ZFHX3: variants seen among roughly 807,000 people sequenced by gnomAD.
ZFHX3 encodes the protein zinc finger homeobox 3.
Under a neutral mutation model 279.1 loss-of-function variants are expected in ZFHX3, and 42 were observed. That is an observed-to-expected ratio of 0.15 (90% confidence interval 0.12 to 0.19). The LOEUF is 0.19. Ranked by LOEUF, ZFHX3 falls within the 10% of genes least tolerant of loss-of-function variation. The pLI is 1.00. For missense variants in ZFHX3, 4,981 were observed against 4,754.0 expected (o/e 1.05, Z -1.40); for synonymous variants, 2,293 against 1,957.8 (o/e 1.17, Z -4.52).
chr16:73,611,942 T>C (rs1410236233), intron 2 of ZFHX3, among the ~76,000 whole-genome samples: 1 of 152,216 alleles, frequency 6.6e-6, no homozygotes, highest in Non-Finnish European at 1.5e-5. Context: ...AGGGTATCTA[T>C]CTTTTGAAAC....
intron 3 of ZFHX3, among the ~76,000 whole-genome samples, chr16:73,374,921 G>A (rs2016696829): frequency 6.6e-6 from 1 of 152,182 alleles, no homozygotes; most frequent in Non-Finnish European, 1.5e-5. Flanking sequence ...GTCATAGGTG[G>A]TGGTATGGAT....
chr16:72,923,849 T>C (rs1415865770), intron 3 of ZFHX3, among the ~76,000 whole-genome samples: 1 of 152,216 alleles, frequency 6.6e-6, no homozygotes, highest in Non-Finnish European at 1.5e-5. Flanking sequence ...TTCATCCTAC[T>C]TTGAATTGCC....
upstream of ZFHX3, among the ~76,000 whole-genome samples, chr16:73,050,121 A>G (rs1192769170): frequency 6.6e-6 from 1 of 152,238 alleles, no homozygotes; most frequent in Admixed American, 6.5e-5. Flanking sequence ...CATTTTTATT[A>G]ACAGGGGACA....
chr16:72,965,516 G>T (rs1160108820), intron 1 of ZFHX3, among the ~76,000 whole-genome samples: 1 of 152,234 alleles, frequency 6.6e-6, no homozygotes, highest in African/African-American at 2.4e-5. Context: ...AGAACCTACA[G>T]ATCAGGAAAC....
intron 2 of ZFHX3, among the ~76,000 whole-genome samples, chr16:73,679,039 G>T (rs1025312125): frequency 1.3e-5 from 2 of 151,998 alleles, no homozygotes; most frequent in Admixed American, 1.3e-4. Context: ...CCTGGCTCGT[G>T]CTCATAGGTA....
At chr16:73,785,143 T>C (rs1216172813) in intron 1 of ZFHX3, among the ~76,000 whole-genome samples, 1 of 152,238 alleles carries the variant, frequency 6.6e-6, no homozygotes, top group East Asian at 1.9e-4. Context: ...TATAGTTATG[T>C]AACAGTTTTT....
chr16:72,825,231 C>T lies in ZFHX3; in HGVS notation c.3529+4548G>A, dbSNP rs75012253. ...CATCCCGCTTTCAGACTGAGCACAA[C>T]GCCAGCTCCTTACAAGACATATATC... On this transcript the variant is annotated intron_variant, in intron 5 of 9. Coordinates refer to ENST00000268489, the MANE Select transcript of ZFHX3 (RefSeq NM_006885.4). Among the ~76,000 whole-genome samples the T allele has an allele frequency of 3.3e-3, 506 of 152,324 alleles. 2 individuals carry two copies. The highest frequency in any genetic ancestry group is 5.8e-3 in the Non-Finnish European group (394 of 68,036).
At chr16:73,612,284 T>C (rs2052254869) in intron 2 of ZFHX3, among the ~76,000 whole-genome samples, 1 of 152,140 alleles carries the variant, frequency 6.6e-6, no homozygotes, top group Non-Finnish European at 1.5e-5. Flanking sequence ...AGCTGCTCTA[T>C]TGCACTGAAA....
At chr16:73,677,112 A>C (rs1037611108) in intron 2 of ZFHX3, among the ~76,000 whole-genome samples, 1 of 151,994 alleles carries the variant, frequency 6.6e-6, no homozygotes, top group African/African-American at 2.4e-5. Flanking sequence ...TCCAGTGACC[A>C]TGGATTCTTT....
chr16:73,004,945 C>T (rs1963651136), intron 1 of ZFHX3, among the ~76,000 whole-genome samples: 1 of 152,210 alleles, frequency 6.6e-6, no homozygotes. Context: ...ATGGCTCTAA[C>T]CTAATTTTTC....
At chr16:73,084,474 C>A (rs1476289421) in intron 8 of ZFHX3, among the ~76,000 whole-genome samples, 1 of 150,988 alleles carries the variant, frequency 6.6e-6, no homozygotes, top group Non-Finnish European at 1.5e-5. Context: ...TGTAAGAAAG[C>A]AATCCCACAG....
chr16:73,467,409 C>T (rs1026114093), intron 2 of ZFHX3, among the ~76,000 whole-genome samples: 19 of 152,162 alleles, frequency 1.2e-4, no homozygotes, highest in Non-Finnish European at 2.1e-4. Flanking sequence ...GCTCTCCTTA[C>T]TTGCAGGGAA....
intron 2 of ZFHX3, among the ~76,000 whole-genome samples, chr16:73,507,586 C>G (rs1025045690): frequency 6.9e-6 from 1 of 144,492 alleles, no homozygotes; most frequent in Non-Finnish European, 1.5e-5. Flanking sequence ...GCTTCACATT[C>G]CTGGGCTCAA....
At chr16:73,200,662 A>G (rs1385218689) in intron 5 of ZFHX3, among the ~76,000 whole-genome samples, 1 of 152,230 alleles carries the variant, frequency 6.6e-6, no homozygotes, top group African/African-American at 2.4e-5. Flanking sequence ...GATGCTTCCA[A>G]AACAATGAAC....
chr16:73,752,228 C>T (rs1164332332), intron 1 of ZFHX3, among the ~76,000 whole-genome samples: 4 of 152,164 alleles, frequency 2.6e-5, no homozygotes, highest in Non-Finnish European at 5.9e-5. Context: ...ATGTGCGTCT[C>T]TGTGGTCTAT....
rs1200062630 is a variant in ZFHX3, at chr16:73,879,213, G to GT, written c.-1608+12437dup. 3.3e-3 allele frequency among the ~76,000 whole-genome samples: 473 copies of GT among 142,052 alleles called. 1 individual carries two copies. The highest frequency in any genetic ancestry group is 0.011 in the African/African-American group (416 of 38,630). 93.2% of individuals were successfully genotyped at this position (142,052 alleles called of 152,430 possible). A position where few individuals can be genotyped will look rare whatever the true frequency, so the allele number is the denominator to read the frequency against. ...TGTGTTAGCATTTGCTCTGCAAAAG[G>GT]TTTTTTTTTTCTTTTTTAATACCTA... On this transcript the variant is annotated intron_variant, in intron 1 of 17. Coordinates refer to the ZFHX3 transcript ENST00000641206.
chr16:73,562,595 C>CAAAAAA (rs35887424), intron 2 of ZFHX3, among the ~76,000 whole-genome samples: 4 of 102,326 alleles, frequency 3.9e-5, no homozygotes, highest in African/African-American at 1.1e-4. Flanking sequence ...GACTCCGTCT[C>CAAAAAA]AAAAAAAAAA....
chr16:73,185,495 T>C (rs1355606783), intron 5 of ZFHX3, among the ~76,000 whole-genome samples: 3 of 152,192 alleles, frequency 2.0e-5, no homozygotes, highest in Admixed American at 2.0e-4. Context: ...ATACAGTGTT[T>C]GCTTTATCAA....
At chr16:73,663,250 A>G (rs1158837168) in intron 2 of ZFHX3, among the ~76,000 whole-genome samples, 1 of 152,164 alleles carries the variant, frequency 6.6e-6, no homozygotes, top group Non-Finnish European at 1.5e-5. Flanking sequence ...CTTGCTTCCC[A>G]TCTTTTTGTC....
Sources: gnomAD v4.1 joint callset for allele counts (sites outside exome capture counted in the v4.1 genomes callset) on GRCh38, gnomAD v4.1.1 for gene constraint, MANE v1.5 for transcripts, NCBI Gene and HGNC (gene_info 2026-07-23, HGNC 2026-07-21) for gene names.